ABCB1: variants seen among roughly 807,000 people sequenced by gnomAD.
ABCB1 encodes ATP binding cassette subfamily B member 1.
Under a neutral mutation model 142.0 loss-of-function variants are expected in ABCB1, and 69 were observed. The ratio of observed to expected loss-of-function variants is 0.49; its 90% confidence interval spans 0.40 to 0.59. The LOEUF (loss-of-function observed/expected upper bound fraction) is 0.59. Among genes scored for constraint, ABCB1 ranks in the 20% least tolerant of loss-of-function variants. The pLI, the probability that ABCB1 is intolerant of heterozygous loss-of-function variation, is 0.00. For synonymous variants in ABCB1, 532 were observed against 539.2 expected, an observed-to-expected ratio of 0.99 and a Z score of 0.18; for missense variants, 1,326 against 1,554.7, an observed-to-expected ratio of 0.85 and a Z score of 2.47.
intron 1 of ABCB1, among the ~76,000 whole-genome samples, chr7:87,647,500 T>C (rs1823129593): frequency 6.6e-6 from 1 of 152,196 alleles, no homozygotes; most frequent in South Asian, 2.1e-4. Context: ...CATTTTTCTT[T>C]TGGAAAATAT....
At chr7:87,551,425 A>T (rs1817061979) in intron 9 of ABCB1, among the ~76,000 whole-genome samples, 1 of 152,248 alleles carries the variant, frequency 6.6e-6, no homozygotes, top group South Asian at 2.1e-4. Flanking sequence ...GTGTGTATAC[A>T]TAAACATCAC....
upstream of ABCB1, among the ~76,000 whole-genome samples, chr7:87,601,780 A>C (rs1341342908): frequency 6.6e-6 from 1 of 152,224 alleles, no homozygotes; most frequent in African/African-American, 2.4e-5. Flanking sequence ...TCTACATTCT[A>C]TGACTTTCAC....
intron 1 of ABCB1, among the ~76,000 whole-genome samples, chr7:87,615,836 C>A (rs2130074089): frequency 6.6e-6 from 1 of 152,254 alleles, no homozygotes; most frequent in African/African-American, 2.4e-5. Flanking sequence ...TGCATTTAAT[C>A]TGATTTCCTA....
intron 1 of ABCB1, among the ~76,000 whole-genome samples, chr7:87,613,791 A>G (rs1031393967): frequency 6.6e-6 from 1 of 152,188 alleles, no homozygotes; most frequent in Non-Finnish European, 1.5e-5. Flanking sequence ...TAACCTCAGC[A>G]TTATACAATA....
At chr7:87,609,978 G>T (rs765959047) in intron 1 of ABCB1, among the ~76,000 whole-genome samples, 1 of 152,110 alleles carries the variant, frequency 6.6e-6, no homozygotes, top group Non-Finnish European at 1.5e-5. Context: ...TGAGGCTAAC[G>T]GTAGTGTAGA....
intron 21 of ABCB1, chr7:87,521,506 T>C: frequency 1.3e-6 from 1 of 751,840 alleles, no homozygotes; most frequent in Non-Finnish European, 2.5e-6. Flanking sequence ...GCTGAGGAAA[T>C]TCTTCATTGG....
intron 21 of ABCB1, among the ~76,000 whole-genome samples, chr7:87,523,123 C>T (rs1008127998): frequency 2.6e-5 from 4 of 151,440 alleles, no homozygotes; most frequent in Non-Finnish European, 2.9e-5. Context: ...TTTTTAGAAA[C>T]GGGGTCTTGC....
intron 18 of ABCB1, among the ~76,000 whole-genome samples, chr7:87,541,135 C>G (rs897440940): frequency 6.6e-6 from 1 of 152,124 alleles, no homozygotes; most frequent in Non-Finnish European, 1.5e-5. Flanking sequence ...CTCTGTTCCC[C>G]CTGGTTTCAT....
intron 21 of ABCB1, among the ~76,000 whole-genome samples, chr7:87,523,821 T>C (rs55912869): frequency 0.13 from 19,730 of 152,160 alleles, 1,354 homozygotes; most frequent in African/African-American, 0.17. Context: ...CTGTCTCATT[T>C]TCCTCATTTG....
chr7:87,511,259 G>A (rs974352453), intron 25 of ABCB1, among the ~76,000 whole-genome samples: 1 of 152,170 alleles, frequency 6.6e-6, no homozygotes, highest in African/African-American at 2.4e-5. Flanking sequence ...CTGAGGAATG[G>A]TGTTGGTCTG....
At chr7:87,584,540 AAG>A (rs145001075) in intron 4 of ABCB1, among the ~76,000 whole-genome samples, 4 of 151,610 alleles carry the variant, frequency 2.6e-5, no homozygotes, top group East Asian at 1.9e-4. Context: ...CCAATCGAGA[AAG>A]AGAGAGAGAG....
intron 17 of ABCB1, among the ~76,000 whole-genome samples, chr7:87,542,078 C>G (rs1227001042): frequency 6.6e-6 from 1 of 152,104 alleles, no homozygotes; most frequent in African/African-American, 2.4e-5. Context: ...ATAACCATTC[C>G]TCAGGGAAAG....
chr7:87,641,803 T>C (rs1348490706), intron 1 of ABCB1, among the ~76,000 whole-genome samples: 2 of 152,244 alleles, frequency 1.3e-5, no homozygotes, highest in Non-Finnish European at 2.9e-5. Context: ...TCTCCAGTGA[T>C]GGTGATTGTC....
At chr7:87,704,291 C>T (rs577649005) in intron 1 of ABCB1, among the ~76,000 whole-genome samples, 9 of 152,106 alleles carry the variant, frequency 5.9e-5, no homozygotes, top group African/African-American at 2.2e-4. Flanking sequence ...AAGGTTTAGG[C>T]TAAGGTTAAA....
rs1210127693 is a variant in ABCB1, at chr7:87,547,850, C to CAAA, written c.1725+1495_1725+1497dup. Among the ~76,000 whole-genome samples the CAAA allele has an allele frequency of 5.7e-3, 236 of 41,652 alleles. 5 individuals carry two copies. The highest frequency in any genetic ancestry group is 6.6e-3 in the Non-Finnish European group (160 of 24,366). The allele number at this position is 41,652 out of a possible 152,430, so 27.3% of individuals were successfully genotyped here. ...TGGGCGACAGAGCGAGACTCCATCTCAAAAAAAAAAAAAAAAAAAAAACCT... is the reference window on the plus strand; with the variant it reads ...TGGGCGACAGAGCGAGACTCCATCTCAAAAAAAAAAAAAAAAAAAAAAAAACCT... On this transcript the variant is annotated intron_variant, in intron 14 of 27. Coordinates refer to ENST00000622132, the MANE Select transcript of ABCB1 (RefSeq NM_001348946.2).
Position 87,515,500 on chromosome 7 carries a change from G to A in ABCB1, c.3085-72C>T, listed in dbSNP as rs7779562. ...AATAAAGTGTATAGCTAACTCTCTC[G>A]ATTACCAGGTGTCAGAAGATAATTA... is the stretch of plus-strand genomic sequence containing the variant. On this transcript the variant is annotated intron_variant, in intron 24 of 27. Coordinates refer to ENST00000622132, the MANE Select transcript of ABCB1 (RefSeq NM_001348946.2). The A allele has an allele frequency of 1.3e-3, 1,794 of 1,353,974 alleles. 1 individual carries two copies. The highest frequency in any genetic ancestry group is 1.7e-3 in the Non-Finnish European group (1,600 of 952,302). The allele number at this position is 1,353,974 out of a possible 1,614,324, so 83.9% of individuals were successfully genotyped here.
rs546527484 is a variant in ABCB1, at chr7:87,516,731, CTTTTT to C, written c.2928-71_2928-67del. 3.7e-3 allele frequency: 2,947 copies of C among 802,374 alleles called. 2 individuals carry two copies. Among genetic ancestry groups the C allele is most frequent in the African/African-American group, 9.8e-3 (297 of 30,350 alleles). The allele number at this position is 802,374 out of a possible 1,614,324, so 49.7% of individuals were successfully genotyped here. A position where few individuals can be genotyped will look rare whatever the true frequency, so the allele number is the denominator to read the frequency against. ...TCACAATGCTAGAAAGCTGACACTCCTTTTTTTTTTTTTTTTTTTTTTTGAGGTGG... is the reference window on the plus strand; with the variant it reads ...TCACAATGCTAGAAAGCTGACACTCCTTTTTTTTTTTTTTTTTTGAGGTGG... On this transcript the variant is annotated intron_variant, in intron 23 of 27. Transcript: ENST00000622132.
At chr7:87,626,123 ATTGTCATATATATGTGTCATATATATT>A (rs1820458352) in intron 1 of ABCB1, among the ~76,000 whole-genome samples, 1 of 125,168 alleles carries the variant, frequency 8.0e-6, no homozygotes, top group Non-Finnish European at 1.7e-5. Flanking sequence ...TGTCATATAT[ATTGTCATATATATGTGTCATATATATT>A]GTCATATATA....
intron 1 of ABCB1, among the ~76,000 whole-genome samples, chr7:87,625,200 T>C (rs578261319): frequency 1.3e-5 from 2 of 151,554 alleles, no homozygotes; most frequent in East Asian, 3.9e-4. Context: ...GAACTTGCAG[T>C]AAGCGGAGAT....
Sources: gnomAD v4.1 joint callset for allele counts (sites outside exome capture counted in the v4.1 genomes callset) on GRCh38, gnomAD v4.1.1 for gene constraint, MANE v1.5 for transcripts, NCBI Gene and HGNC (gene_info 2026-07-23, HGNC 2026-07-21) for gene names.